The following RYR2 variants were observed in gnomAD, a reference collection of about 807,000 sequenced individuals.
The protein encoded by RYR2 is ryanodine receptor 2.
A neutral mutation model predicts 601.1 loss-of-function variants in RYR2; 227 were observed. The ratio of observed to expected loss-of-function variants is 0.38; its 90% CI spans 0.34 to 0.42. The LOEUF is 0.42. Ranked by LOEUF, RYR2 falls within the 10% of genes least tolerant of loss-of-function variation. RYR2 has a pLI of 1.00. For missense variants in RYR2, 4,646 were observed against 6,156.5 expected (o/e 0.75, Z 8.21); for synonymous variants, 2,223 against 2,175.1 (o/e 1.02, Z -0.61).
chr1:237,500,075 C>G (rs1032907566), intron 20 of RYR2, among the ~76,000 whole-genome samples: 1 of 152,050 alleles, frequency 6.6e-6, no homozygotes, highest in South Asian at 2.1e-4. Context: ...AAACTATAGG[C>G]CAATTGGCCT....
intron 102 of RYR2, 57 bp downstream of exon 102, chr1:237,828,502 C>G (rs1574117762): frequency 1.8e-6 from 2 of 1,136,336 alleles, no homozygotes; most frequent in Non-Finnish European, 2.5e-6. Flanking sequence ...TCGTTTTCCT[C>G]ACTACCTTTA....
intron 1 of RYR2, among the ~76,000 whole-genome samples, chr1:237,071,791 G>A (rs1011484303): frequency 6.6e-5 from 10 of 152,174 alleles, no homozygotes; most frequent in Non-Finnish European, 1.2e-4. Context: ...TGCACACCGA[G>A]GGGTGCCTGC....
At chr1:237,259,402 G>A (rs1392442343) in intron 1 of RYR2, among the ~76,000 whole-genome samples, 4 of 151,968 alleles carry the variant, frequency 2.6e-5, no homozygotes, top group African/African-American at 9.7e-5. Context: ...CAGCTACTCA[G>A]GAGGCTGAGA....
At chr1:237,125,249 C>G (rs1671280291) in intron 1 of RYR2, among the ~76,000 whole-genome samples, 2 of 152,034 alleles carry the variant, frequency 1.3e-5, no homozygotes, top group African/African-American at 4.8e-5. Flanking sequence ...TCGCCACGCC[C>G]AGGCCTCGGA....
chr1:237,815,801 A>C (rs892172398), intron 100 of RYR2, among the ~76,000 whole-genome samples: 2 of 152,198 alleles, frequency 1.3e-5, no homozygotes, highest in African/African-American at 2.4e-5. Flanking sequence ...CACATTAACC[A>C]GTATTACATA....
intron 80 of RYR2, among the ~76,000 whole-genome samples, chr1:237,752,685 T>G (rs1235544370): frequency 6.6e-6 from 1 of 152,200 alleles, no homozygotes; most frequent in Non-Finnish European, 1.5e-5. Context: ...GCAAACCAAA[T>G]TATTAGTACA....
In RYR2 at chr1:237,778,714, G is replaced by A; in HGVS notation, c.11824G>A (p.Asp3942Asn). 1 of 1,612,100 alleles carries A rather than the reference G, an allele frequency of 6.2e-7. No homozygotes were observed. Among genetic ancestry groups the A allele is most frequent in the Non-Finnish European group, 8.5e-7 (1 of 1,178,312 alleles). Reference protein sequence around the residue: ...QQSLAHSRLWDAVVGFLHVFA... With the variant: ...QQSLAHSRLWNAVVGFLHVFA... ...GAGTTTGGCACACAGCAGGCTGTGG[G>A]ATGCTGTGGTCGGCTTTCTTCATGT... The change falls in exon 88 of 105, where the codon GAT (aspartate) becomes AAT (asparagine). Residue 3942 changes from aspartate to asparagine, a missense_variant. By Grantham distance (23) the Asp-to-Asn change is conservative (BLOSUM62 1). Coordinates refer to ENST00000366574, the MANE Select transcript of RYR2 (RefSeq NM_001035.3).
At chr1:237,436,453 C>CATTTTTTTTTTTTTTTTTTTTTTTT (rs1491092540) in intron 12 of RYR2, among the ~76,000 whole-genome samples, 7 of 55,838 alleles carry the variant, frequency 1.3e-4, no homozygotes, top group Admixed American at 1.8e-4. Context: ...GTGTGATTTT[C>CATTTTTTTTTTTTTTTTTTTTTTTT]CTTTTTTTTT....
intron 10 of RYR2, among the ~76,000 whole-genome samples, chr1:237,397,070 G>T (rs1572135683): frequency 6.6e-6 from 1 of 152,096 alleles, no homozygotes; most frequent in East Asian, 1.9e-4. Context: ...TTCAAGACCA[G>T]CCTGGCCAAC....
intron 1 of RYR2, among the ~76,000 whole-genome samples, chr1:237,261,735 C>A (rs1688549168): frequency 1.3e-5 from 2 of 152,116 alleles, no homozygotes; most frequent in South Asian, 4.1e-4. Flanking sequence ...GTCTCCACAT[C>A]GTCATTTGAT....
At chr1:237,635,222 T>C (rs1680754482) in intron 44 of RYR2, among the ~76,000 whole-genome samples, 1 of 152,200 alleles carries the variant, frequency 6.6e-6, no homozygotes, top group African/African-American at 2.4e-5. Context: ...TATTACATTG[T>C]ATATAATTCT....
intron 1 of RYR2, among the ~76,000 whole-genome samples, chr1:237,115,575 A>G (rs1669983761): frequency 6.6e-6 from 1 of 152,202 alleles, no homozygotes; most frequent in Admixed American, 6.5e-5. Flanking sequence ...TCCTTGTTGG[A>G]AATGAAGTTG....
At chr1:237,116,123 C>T (rs564418782) in intron 1 of RYR2, among the ~76,000 whole-genome samples, 1 of 152,220 alleles carries the variant, frequency 6.6e-6, no homozygotes, top group Non-Finnish European at 1.5e-5. Context: ...GCTTTGCGAG[C>T]CTTCTTTGTG....
intron 58 of RYR2, 129 bp downstream of exon 58, chr1:237,668,087 T>A: frequency 1.5e-6 from 1 of 648,980 alleles, no homozygotes. Context: ...ATTGTGCCTG[T>A]AACAGATTGA....
chr1:237,203,342 G>C (rs1156469597), intron 1 of RYR2, among the ~76,000 whole-genome samples: 1 of 152,122 alleles, frequency 6.6e-6, no homozygotes, highest in East Asian at 1.9e-4. Flanking sequence ...GCTGTTTAGT[G>C]TATATTATTC....
intron 27 of RYR2, among the ~76,000 whole-genome samples, chr1:237,560,869 A>G (rs986399869): frequency 6.6e-6 from 1 of 152,188 alleles, no homozygotes; most frequent in African/African-American, 2.4e-5. Context: ...GTGGAGAAAC[A>G]TTGATGGTCC....
At chr1:237,501,179 T>G (rs936666086) in intron 21 of RYR2, among the ~76,000 whole-genome samples, 6 of 151,922 alleles carry the variant, frequency 3.9e-5, no homozygotes, top group African/African-American at 1.5e-4. Context: ...GGTGTTTTTT[T>G]TTTTTTTTTT....
At chr1:237,173,642 A>G (rs1262603942) in intron 1 of RYR2, among the ~76,000 whole-genome samples, 1 of 152,212 alleles carries the variant, frequency 6.6e-6, no homozygotes, top group East Asian at 1.9e-4. Flanking sequence ...TAAGTTTTCT[A>G]CACACCGCAA....
intron 21 of RYR2, among the ~76,000 whole-genome samples, chr1:237,503,009 A>G (rs1249417321): frequency 6.6e-6 from 1 of 152,152 alleles, no homozygotes; most frequent in Non-Finnish European, 1.5e-5. Context: ...AATGTGGTGC[A>G]TGTGCTTTTG....
Sources: gnomAD v4.1 joint callset for allele counts (sites outside exome capture counted in the v4.1 genomes callset) on GRCh38, gnomAD v4.1.1 for gene constraint, MANE v1.5 for transcripts, NCBI Gene and HGNC (gene_info 2026-07-23, HGNC 2026-07-21) for gene names.